KCTD21: variants seen among roughly 807,000 people sequenced by gnomAD.
KCTD21 encodes BTB/POZ domain-containing protein KCTD21.
In KCTD21, 9 loss-of-function variants were observed where a neutral mutation model predicts 13.2. The ratio of observed to expected loss-of-function variants is 0.68; its 90% CI spans 0.41 to 1.19. KCTD21 has a LOEUF of 1.19. Ranked by LOEUF, KCTD21 falls within the 50% of genes most tolerant of loss-of-function variation. The pLI is 0.01. For synonymous variants in KCTD21, 142 were observed against 137.4 expected (o/e 1.03, Z -0.23); for missense variants, 303 against 336.5 (o/e 0.90, Z 0.78).
intron 1 of KCTD21, chr11:78,187,511 G>A: frequency 1.0e-6 from 1 of 985,406 alleles, no homozygotes; most frequent in Non-Finnish European, 1.2e-6. Flanking sequence ...ATCTGGCGTA[G>A]ACCTCCAACA....
At chr11:78,187,426 CGCAAAAG>C (rs1430442619) in intron 1 of KCTD21, 67 of 985,218 alleles carry the variant, frequency 6.8e-5, no homozygotes, top group Non-Finnish European at 7.5e-5. Flanking sequence ...GAATGAGCTG[CGCAAAAG>C]GCAGGAGGAG....
intron 1 of KCTD21, among the ~76,000 whole-genome samples, chr11:78,184,109 C>T (rs1412070054): frequency 6.6e-6 from 1 of 152,152 alleles, no homozygotes; most frequent in Non-Finnish European, 1.5e-5. Context: ...AATCACTTCA[C>T]AGATTACTTA....
chr11:78,180,138 T>G (rs977994879), intron 1 of KCTD21, among the ~76,000 whole-genome samples: 1 of 152,174 alleles, frequency 6.6e-6, no homozygotes, highest in Non-Finnish European at 1.5e-5. Flanking sequence ...CAACTGTGGA[T>G]TAGGCAAAGA....
In KCTD21 at chr11:78,173,911, T is replaced by C; in HGVS notation, c.644A>G (p.Lys215Arg). The C allele has an allele frequency of 6.2e-7, 1 of 1,614,186 alleles. No homozygotes were observed. The highest frequency in any genetic ancestry group is 1.1e-5 in the South Asian group (1 of 91,078). Residue 215 changes from lysine to arginine, a missense_variant, in exon 2 of 2, where the codon AAG becomes AGG. Coordinates refer to ENST00000340067, the MANE Select transcript of KCTD21 (RefSeq NM_001029859.3). ...LKRLWVVPAN[K>R]QINSFQVFVE... ...GAAGACCTGGAAGCTGTTGATCTGC[T>C]TGTTGGCGGGCACCACCCAGAGCCT... is the stretch of plus-strand genomic sequence containing the variant.
chr11:78,179,120 C>T (rs1298548338), intron 1 of KCTD21, among the ~76,000 whole-genome samples: 1 of 152,200 alleles, frequency 6.6e-6, no homozygotes, highest in Non-Finnish European at 1.5e-5. Flanking sequence ...CCCACTCCCA[C>T]CCTGAGGAGT....
Position 78,175,529 on chromosome 11 carries a change from A to T in KCTD21, c.-29-946T>A, listed in dbSNP as rs114896168. Among the ~76,000 whole-genome samples, 1,400 of 152,096 alleles carry T rather than the reference A, an allele frequency of 9.2e-3. 23 individuals are homozygous for T. Among genetic ancestry groups the T allele is most frequent in the African/African-American group, 0.031 (1,278 of 41,474 alleles). On this transcript the variant is annotated intron_variant, in intron 1 of 1. Transcript: ENST00000340067. ...TACTAGCCAAAGATCGGTTCTAAGT[A>T]CTCAACAAATGGTTTGAGATTTATG... is the stretch of plus-strand genomic sequence containing the variant.
chr11:78,176,146 T>G (rs564808196), intron 1 of KCTD21: 2 of 152,324 alleles, frequency 1.3e-5, no homozygotes, highest in South Asian at 4.1e-4. Context: ...TGTTGGACAT[T>G]TGGGTTGGTT....
chr11:78,182,531 T>C (rs1862659667), intron 1 of KCTD21, among the ~76,000 whole-genome samples: 1 of 152,192 alleles, frequency 6.6e-6, no homozygotes, highest in African/African-American at 2.4e-5. Context: ...AATTTGGTAA[T>C]AAATGTGAAG....
At chr11:78,178,946 T>C (rs1213647303) in intron 1 of KCTD21, among the ~76,000 whole-genome samples, 1 of 152,174 alleles carries the variant, frequency 6.6e-6, no homozygotes. Context: ...GGGCCTTGGA[T>C]TGGGACCATC....
chr11:78,179,746 C>A (rs1862559492), intron 1 of KCTD21, among the ~76,000 whole-genome samples: 2 of 152,166 alleles, frequency 1.3e-5, no homozygotes, highest in Admixed American at 1.3e-4. Flanking sequence ...ATGCTGACAC[C>A]TGCCCTGCCT....
At chr11:78,178,047 C>T (rs946027864) in intron 1 of KCTD21, 4 of 152,284 alleles carry the variant, frequency 2.6e-5, no homozygotes, top group Non-Finnish European at 2.9e-5. Flanking sequence ...AGGCAGGTCT[C>T]CTGCTCCGAG....
At chr11:78,180,515 C>G (rs1047368629) in intron 1 of KCTD21, among the ~76,000 whole-genome samples, 1 of 152,102 alleles carries the variant, frequency 6.6e-6, no homozygotes, top group Non-Finnish European at 1.5e-5. Flanking sequence ...AAAACAAAAA[C>G]AAAACAACTA....
chr11:78,184,072 G>A (rs1181703155), intron 1 of KCTD21, among the ~76,000 whole-genome samples: 1 of 152,126 alleles, frequency 6.6e-6, no homozygotes, highest in African/African-American at 2.4e-5. Flanking sequence ...AGGTTATCAG[G>A]AACACATAAT....
chr11:78,187,130 G>A, intron 1 of KCTD21: 1 of 985,404 alleles, frequency 1.0e-6, no homozygotes, highest in Non-Finnish European at 1.2e-6. Context: ...GACAGCACGT[G>A]GCTGGGTAAA....
chr11:78,186,733 C>G, intron 1 of KCTD21: 3 of 985,510 alleles, frequency 3.0e-6, no homozygotes, highest in South Asian at 4.7e-5. Flanking sequence ...TTGGCATCTG[C>G]CATCCCCTCT....
chr11:78,185,753 G>T (rs186712795), intron 1 of KCTD21, among the ~76,000 whole-genome samples: 1 of 151,902 alleles, frequency 6.6e-6, no homozygotes, highest in Admixed American at 6.6e-5. Context: ...CACCATGCCC[G>T]GCTAATTTTT....
chr11:78,173,865 G>A lies in KCTD21; in HGVS notation c.690C>T (p.Ile230=), dbSNP rs80062567. 1.7e-3 allele frequency: 2,801 copies of A among 1,614,148 alleles called. 24 individuals carry two copies. The African/African-American group carries it at 0.023, about 13-fold the overall frequency. Residue 230 remains isoleucine, a synonymous_variant, in exon 2 of 2, where the codon ATC becomes ATT. Transcript: ENST00000340067. ...CGATGCAGAAGCCATCGCTCAGAGC[G>A]ATTTTCAGTACCTCTTCCACGAAGA... The part of the protein sequence containing the change: ...FQVFVEEVLK[I]ALSDGFCIDS...
intron 1 of KCTD21, chr11:78,176,342 T>C (rs1030582587): frequency 2.0e-5 from 3 of 152,194 alleles, no homozygotes; most frequent in Non-Finnish European, 4.4e-5. Flanking sequence ...GCAAGGTCAG[T>C]GCAAATGCAG....
At position 78,173,573 on chromosome 11, in the gene KCTD21, G is replaced by T; in HGVS notation, c.*199C>A. 1 of 578,876 alleles carries T rather than the reference G, an allele frequency of 1.7e-6. No homozygotes were observed. Among genetic ancestry groups the T allele is most frequent in the Non-Finnish European group, 3.1e-6 (1 of 327,676 alleles). 35.9% of individuals were successfully genotyped at this position (578,876 alleles called of 1,614,324 possible). ...AAACCGCCTGTCTGCAGCTCAAAAT[G>T]GCAAGAAAAAAGGTGGTTCTGTTCA... On this transcript the variant is annotated 3_prime_UTR_variant, in exon 2 of 2. Transcript: ENST00000340067.
Sources: gnomAD v4.1 joint callset for allele counts (sites outside exome capture counted in the v4.1 genomes callset) on GRCh38, gnomAD v4.1.1 for gene constraint, MANE v1.5 for transcripts, NCBI Gene and HGNC (gene_info 2026-07-23, HGNC 2026-07-21) for gene names.